The following FAM53A variants were observed in gnomAD, a reference collection of about 807,000 sequenced individuals.
FAM53A encodes protein FAM53A.
FAM53A carries 28 observed loss-of-function variants against 26.6 expected under a neutral mutation model. The ratio of observed to expected loss-of-function variants is 1.05; its 90% confidence interval spans 0.78 to 1.45. FAM53A has a LOEUF of 1.45. FAM53A is among the 40% of genes most tolerant of loss of function. The probability of loss-of-function intolerance (pLI) is 0.00; values close to 1 mark genes in which losing one functional copy is unlikely to be tolerated. For synonymous variants in FAM53A, 290 were observed against 253.1 expected (o/e 1.15, Z -1.38); for missense variants, 650 against 575.8 (o/e 1.13, Z -1.32).
downstream of FAM53A, among the ~76,000 whole-genome samples, chr4:1,635,305 G>A (rs199950629): frequency 3.9e-5 from 6 of 152,130 alleles, no homozygotes; most frequent in East Asian, 3.9e-4. Flanking sequence ...ACAGGGTCTC[G>A]CACTGTCATC....
chr4:1,657,960 T>C (rs1421226647), intron 2 of FAM53A, among the ~76,000 whole-genome samples: 1 of 149,948 alleles, frequency 6.7e-6, no homozygotes, highest in Non-Finnish European at 1.5e-5. Flanking sequence ...TTTTTAAATT[T>C]TTTAAAAAAT....
At chr4:1,642,795 AG>A (rs1388361938) in intron 4 of FAM53A, among the ~76,000 whole-genome samples, 1 of 151,410 alleles carries the variant, frequency 6.6e-6, no homozygotes, top group Non-Finnish European at 1.5e-5. Flanking sequence ...GGTCACCTCC[AG>A]GCCTCCTCAG....
intron 1 of FAM53A, among the ~76,000 whole-genome samples, chr4:1,674,875 C>T (rs941559107): frequency 3.3e-5 from 5 of 152,300 alleles, no homozygotes; most frequent in Admixed American, 1.3e-4. Context: ...GCAAGTCCCT[C>T]CCCCTTGGCA....
chr4:1,649,719 G>A (rs1712576822), intron 4 of FAM53A, among the ~76,000 whole-genome samples: 1 of 152,252 alleles, frequency 6.6e-6, no homozygotes, highest in Non-Finnish European at 1.5e-5. Flanking sequence ...TGCAGCCCCA[G>A]TCAAGCCTCC....
At chr4:1,621,252 C>T (rs575878987) in intron 1 of FAM53A, among the ~76,000 whole-genome samples, 2 of 151,922 alleles carry the variant, frequency 1.3e-5, no homozygotes, top group Non-Finnish European at 2.9e-5. Flanking sequence ...TACAGGCGCC[C>T]GCCACCTCAC....
chr4:1,620,428 C>T (rs1165060092), intron 1 of FAM53A, among the ~76,000 whole-genome samples: 1 of 151,878 alleles, frequency 6.6e-6, no homozygotes, highest in Non-Finnish European at 1.5e-5. Context: ...AGGGGGGATT[C>T]TCTTTGGTTC....
intron 2 of FAM53A, among the ~76,000 whole-genome samples, chr4:1,667,405 C>T (rs928030715): frequency 1.5e-4 from 23 of 152,316 alleles, no homozygotes; most frequent in Non-Finnish European, 1.2e-4. Context: ...TTCCCCGCCT[C>T]GGCCACCTCC....
downstream of FAM53A, among the ~76,000 whole-genome samples, chr4:1,635,666 C>G (rs529724535): frequency 6.6e-6 from 1 of 152,230 alleles, no homozygotes; most frequent in East Asian, 1.9e-4. Flanking sequence ...AAGCACGGAT[C>G]TGCCGCGCCC....
At chr4:1,641,842 C>G (rs560415710) in intron 4 of FAM53A, among the ~76,000 whole-genome samples, 1 of 152,246 alleles carries the variant, frequency 6.6e-6, no homozygotes, top group East Asian at 1.9e-4. Context: ...TCAGCCCCCG[C>G]CCAGCTGGTG....
chr4:1,649,099 G>A (rs1712499818), intron 4 of FAM53A, among the ~76,000 whole-genome samples: 2 of 145,930 alleles, frequency 1.4e-5, no homozygotes, highest in African/African-American at 2.5e-5. Context: ...GGCAACAAGA[G>A]CAAAACAGAA....
rs1481558766 is a variant in FAM53A at position 1,640,045 on chromosome 4, GAAGTCGTATGCACAAAGCAA to G, written c.*1228_*1247del. 6.6e-6 allele frequency: 1 copy of G among 152,278 alleles called. No homozygotes were observed. Among genetic ancestry groups the G allele is most frequent in the East Asian group, 1.9e-4 (1 of 5,204 alleles). The allele number at this position is 152,278 out of a possible 1,614,324, so 9.4% of individuals were successfully genotyped here. A position where few individuals can be genotyped will look rare whatever the true frequency, so the allele number is the denominator to read the frequency against. ...AGATGGTGGAAACGAAAATTAATCAGAAGTCGTATGCACAAAGCAAAGGCCTTGTATTAAATTCACAGAGT... is the reference window on the plus strand; with the variant it reads ...AGATGGTGGAAACGAAAATTAATCAGAGGCCTTGTATTAAATTCACAGAGT... On this transcript the variant is annotated 3_prime_UTR_variant, in exon 5 of 5. Transcript: ENST00000308132.
At chr4:1,623,632 G>A (rs539843480) in intron 1 of FAM53A, among the ~76,000 whole-genome samples, 18 of 152,216 alleles carry the variant, frequency 1.2e-4, no homozygotes, top group African/African-American at 2.9e-4. Context: ...GCAGACGGCC[G>A]CCCGCTCCGG....
At chr4:1,655,836 G>T in intron 3 of FAM53A, 113 bp from the exon 4 acceptor site, 2 of 1,266,468 alleles carry the variant, frequency 1.6e-6, no homozygotes, top group Non-Finnish European at 2.1e-6. Flanking sequence ...CCCCATCGCC[G>T]CCACCCCTGG....
At chr4:1,668,579 G>A in intron 2 of FAM53A, 88 bp downstream of exon 2, 1 of 1,495,614 alleles carries the variant, frequency 6.7e-7, no homozygotes, top group Non-Finnish European at 9.2e-7. Context: ...TGAGAACTTA[G>A]CCCTCACCTC....
intron 3 of FAM53A, 43 bp from the exon 4 acceptor site, chr4:1,655,766 G>A: frequency 6.7e-7 from 1 of 1,492,468 alleles, no homozygotes. Flanking sequence ...AGACAGGTGA[G>A]CCACAGGGCA....
intron 2 of FAM53A, among the ~76,000 whole-genome samples, chr4:1,661,715 T>C (rs1285966906): frequency 6.6e-6 from 1 of 151,510 alleles, no homozygotes; most frequent in Admixed American, 6.6e-5. Context: ...CTCCGGCAGC[T>C]CAGCGAGGCA....
At chr4:1,618,462 C>T (rs1378053395) in intron 1 of FAM53A, among the ~76,000 whole-genome samples, 1 of 152,212 alleles carries the variant, frequency 6.6e-6, no homozygotes, top group Non-Finnish European at 1.5e-5. Flanking sequence ...GCCCCCAGGG[C>T]CCCCTTCAGA....
chr4:1,644,458 C>T (rs1712057429), intron 4 of FAM53A: 6 of 1,328,892 alleles, frequency 4.5e-6, no homozygotes, highest in Non-Finnish European at 6.0e-6. Context: ...ACAGCGCTAG[C>T]GAAGGCCACA....
At chr4:1,631,571 G>A (rs755107045) in intron 1 of FAM53A, among the ~76,000 whole-genome samples, 2 of 152,174 alleles carry the variant, frequency 1.3e-5, no homozygotes, top group Non-Finnish European at 2.9e-5. Context: ...CCCAACCACA[G>A]AGGGAAGGTG....
Sources: gnomAD v4.1 joint callset for allele counts (sites outside exome capture counted in the v4.1 genomes callset) on GRCh38, gnomAD v4.1.1 for gene constraint, MANE v1.5 for transcripts, NCBI Gene and HGNC (gene_info 2026-07-23, HGNC 2026-07-21) for gene names.